Variants in NRG1 observed in about 807,000 individuals in gnomAD.
NRG1 encodes the protein neuregulin 1.
A neutral mutation model predicts 63.8 loss-of-function variants in NRG1; 18 were observed. That is an observed-to-expected ratio of 0.28 (90% CI 0.19 to 0.42). The LOEUF (loss-of-function observed/expected upper bound fraction) is 0.42. NRG1 is among the 10% of genes least tolerant of loss of function. The pLI is 1.00. For missense variants in NRG1, 762 were observed against 814.7 expected (o/e 0.94, Z 0.79); for synonymous variants, 302 against 301.3 (o/e 1.00, Z -0.02).
intron 1 of NRG1, among the ~76,000 whole-genome samples, chr8:31,997,286 A>C (rs552558733): frequency 6.6e-6 from 1 of 150,894 alleles, no homozygotes; most frequent in East Asian, 2.0e-4. Context: ...TGTTAGTTTC[A>C]AAGGAAATAA....
intron 1 of NRG1, among the ~76,000 whole-genome samples, chr8:32,329,761 T>C (rs575566892): frequency 1.1e-4 from 16 of 152,214 alleles, no homozygotes; most frequent in Admixed American, 7.2e-4. Flanking sequence ...GTAAGTAGTA[T>C]TAAGGACACA....
intron 1 of NRG1, among the ~76,000 whole-genome samples, chr8:31,807,197 C>T (rs1216659939): frequency 1.3e-5 from 2 of 152,182 alleles, no homozygotes; most frequent in African/African-American, 4.8e-5. Flanking sequence ...ATGGCAAAAG[C>T]ATTTGCATTT....
chr8:31,843,590 A>G (rs567415066), intron 1 of NRG1, among the ~76,000 whole-genome samples: 1 of 152,194 alleles, frequency 6.6e-6, no homozygotes, highest in African/African-American at 2.4e-5. Flanking sequence ...GATCCTATAG[A>G]GTTTGGGGGA....
At chr8:31,730,599 C>T (rs1014705238) in intron 1 of NRG1, among the ~76,000 whole-genome samples, 1 of 151,936 alleles carries the variant, frequency 6.6e-6, no homozygotes, top group African/African-American at 2.4e-5. Context: ...TCCTATCTTA[C>T]AAGATATGCA....
At chr8:32,270,318 C>T (rs550224837) in intron 1 of NRG1, among the ~76,000 whole-genome samples, 72 of 152,270 alleles carry the variant, frequency 4.7e-4, no homozygotes, top group Non-Finnish European at 7.4e-4. Context: ...ATCCCAGGCT[C>T]TGAGTAGAGT....
At chr8:31,828,454 A>G (rs1824789284) in intron 1 of NRG1, among the ~76,000 whole-genome samples, 1 of 152,196 alleles carries the variant, frequency 6.6e-6, no homozygotes, top group African/African-American at 2.4e-5. Context: ...TGGCAGAACC[A>G]AAGAGCTCTG....
At position 32,523,703 on chromosome 8, in the gene NRG1, A is replaced by G. The variant is rs1830547462; in HGVS notation, c.38-72125A>G. Among the ~76,000 whole-genome samples, 4 of 151,944 alleles carry G rather than the reference A, an allele frequency of 2.6e-5. No individual in the cohort carries two copies. In the South Asian group the frequency reaches 8.3e-4, roughly 32 times the overall value. On this transcript the variant is annotated intron_variant, in intron 1 of 10. Transcript: ENST00000519301. ...CGCCTCTACTAAAAACACAAAAATT[A>G]GTTGGGCATGGTGGCACGTGCCTGT...
rs112549275 is a variant in NRG1, at chr8:32,088,596, C to T, written c.37+449165C>T. ...GCAGTGGTGCGATCTGGGCTCATTG[C>T]AACCTCCGCCTCCTGGGTTCAAGCG... On this transcript the variant is annotated intron_variant, in intron 1 of 10. Transcript: ENST00000519301. Among the ~76,000 whole-genome samples the T allele has an allele frequency of 1.7e-3, 255 of 150,626 alleles. 1 individual carries two copies. The highest frequency in any genetic ancestry group is 6.1e-3 in the African/African-American group (248 of 40,880).
chr8:32,337,653 C>CAAAAAAAATAAAAA (rs1803457714), intron 1 of NRG1, among the ~76,000 whole-genome samples: 1 of 24,704 alleles, frequency 4.0e-5, no homozygotes, highest in Non-Finnish European at 7.4e-5. Flanking sequence ...AGAGTTATTG[C>CAAAAAAAATAAAAA]AAAAAAAAAA....
intron 1 of NRG1, among the ~76,000 whole-genome samples, chr8:32,529,336 G>T (rs768326278): frequency 9.2e-5 from 14 of 152,216 alleles, no homozygotes; most frequent in Admixed American, 1.3e-4. Context: ...GTCAGTGAGT[G>T]AGTGGTAAGT....
chr8:31,713,380 T>G (rs972798945), intron 1 of NRG1, among the ~76,000 whole-genome samples: 1 of 152,106 alleles, frequency 6.6e-6, no homozygotes, highest in Non-Finnish European at 1.5e-5. Flanking sequence ...CCTCCCAAAG[T>G]GCTGGGATTA....
intron 1 of NRG1, among the ~76,000 whole-genome samples, chr8:32,066,117 T>G (rs1288383055): frequency 1.3e-5 from 2 of 152,258 alleles, no homozygotes; most frequent in African/African-American, 4.8e-5. Context: ...TTGCAAAAAT[T>G]TTCTCCCATT....
chr8:32,440,920 C>CA (rs1373382859), intron 1 of NRG1: 3 of 152,090 alleles, frequency 2.0e-5, no homozygotes, highest in African/African-American at 7.2e-5. Flanking sequence ...TGAAGGTTTT[C>CA]ACAAAGCAAA....
intron 1 of NRG1, among the ~76,000 whole-genome samples, chr8:32,255,692 T>A (rs907402922): frequency 6.6e-6 from 1 of 152,194 alleles, no homozygotes; most frequent in South Asian, 2.1e-4. Context: ...TGTCTTGGGG[T>A]TGCTCTTCTT....
At chr8:32,772,380 T>A (rs898650887), downstream of NRG1, among the ~76,000 whole-genome samples, 1 of 152,120 alleles carries the variant, frequency 6.6e-6, no homozygotes, top group East Asian at 1.9e-4. Context: ...TAATATAGGC[T>A]TTGTTAATGG....
At chr8:32,605,571 A>C (rs764015527) in exon 3 of NRG1, 1 of 1,613,342 alleles carries the variant, frequency 6.2e-7, no homozygotes. Flanking sequence ...GGAAGTCAGA[A>C]CTTCGCATTA....
chr8:32,654,578 G>A (rs758069607), intron 5 of NRG1, among the ~76,000 whole-genome samples: 2 of 122,210 alleles, frequency 1.6e-5, no homozygotes, highest in Admixed American at 8.7e-5. Context: ...GCAGTGAGCC[G>A]AGATCGTGCC....
intron 2 of NRG1, among the ~76,000 whole-genome samples, chr8:32,599,533 C>A (rs555098858): frequency 2.0e-5 from 3 of 152,248 alleles, no homozygotes; most frequent in Non-Finnish European, 4.4e-5. Context: ...CCTACGTGTT[C>A]TTTGTATGAT....
At chr8:32,515,472 G>C (rs958594639) in intron 1 of NRG1, among the ~76,000 whole-genome samples, 2 of 151,734 alleles carry the variant, frequency 1.3e-5, no homozygotes, top group African/African-American at 4.8e-5. Context: ...TTTGAGACAG[G>C]GTCTCGCTCT....
Sources: gnomAD v4.1 joint callset for allele counts (sites outside exome capture counted in the v4.1 genomes callset) on GRCh38, gnomAD v4.1.1 for gene constraint, MANE v1.5 for transcripts, NCBI Gene and HGNC (gene_info 2026-07-23, HGNC 2026-07-21) for gene names.